HHAT: variants seen among roughly 807,000 people sequenced by gnomAD.
HHAT encodes hedgehog acyltransferase.
Under a neutral mutation model 70.8 loss-of-function variants are expected in HHAT, and 47 were observed. The ratio of observed to expected loss-of-function variants is 0.66; its 90% CI spans 0.53 to 0.85. HHAT has a LOEUF of 0.85. Ranked by LOEUF, HHAT falls within the 40% of genes least tolerant of loss-of-function variation. The pLI is 0.00. For synonymous variants in HHAT, 228 were observed against 247.6 expected (o/e 0.92, Z 0.74); for missense variants, 609 against 604.8 (o/e 1.01, Z -0.07).
chr1:210,537,218 T>G (rs1004463720), intron 9 of HHAT, among the ~76,000 whole-genome samples: 2 of 152,186 alleles, frequency 1.3e-5, no homozygotes, highest in African/African-American at 4.8e-5. Flanking sequence ...TCTCTTACTT[T>G]GGCACAGAAA....
chr1:210,424,727 C>T (rs1384438256), intron 7 of HHAT, among the ~76,000 whole-genome samples: 1 of 152,134 alleles, frequency 6.6e-6, no homozygotes, highest in African/African-American at 2.4e-5. Context: ...ATATGTACCA[C>T]ATTTTCTTTA....
Position 210,409,442 on chromosome 1 carries a change from A to G in HHAT, c.684+4763A>G, listed in dbSNP as rs536845116. On this transcript the variant is annotated intron_variant, in intron 6 of 11. Transcript: ENST00000261458. Reference sequence around the variant, plus strand: ...CAGGCCCCACTTGCTGTTCTGGGAGAGCTCACTGGATGTTGCTGGCCTTGG... The same window carrying G: ...CAGGCCCCACTTGCTGTTCTGGGAGGGCTCACTGGATGTTGCTGGCCTTGG... Among the ~76,000 whole-genome samples the G allele has an allele frequency of 1.3e-5, 2 of 152,186 alleles. 1 individual carries two copies. The highest frequency in any genetic ancestry group is 4.1e-4 in the South Asian group (2 of 4,828).
chr1:210,540,481 GCACA>G (rs1291380055), intron 9 of HHAT, among the ~76,000 whole-genome samples: 3 of 96,890 alleles, frequency 3.1e-5, no homozygotes, highest in Non-Finnish European at 8.5e-5. Flanking sequence ...GCACACACAT[GCACA>G]CACACGCACA....
chr1:210,419,408 A>G (rs1184519838), intron 7 of HHAT, among the ~76,000 whole-genome samples: 1 of 152,188 alleles, frequency 6.6e-6, no homozygotes, highest in Non-Finnish European at 1.5e-5. Flanking sequence ...CCTCTGGCCA[A>G]AACAGCAGAG....
intron 9 of HHAT, among the ~76,000 whole-genome samples, chr1:210,515,598 A>C (rs1413972601): frequency 9.9e-5 from 15 of 151,890 alleles, no homozygotes; most frequent in Non-Finnish European, 1.6e-4. Flanking sequence ...TCTACTAAAA[A>C]TACAAAAAAA....
chr1:210,597,092 A>G (rs1663178782), intron 10 of HHAT, among the ~76,000 whole-genome samples: 1 of 152,238 alleles, frequency 6.6e-6, no homozygotes, highest in African/African-American at 2.4e-5. Context: ...TCATAGAAGT[A>G]CTATCTTGGT....
At chr1:210,468,933 T>C (rs1386846239) in intron 8 of HHAT, among the ~76,000 whole-genome samples, 1 of 152,098 alleles carries the variant, frequency 6.6e-6, no homozygotes, top group Non-Finnish European at 1.5e-5. Context: ...GACAAATAAT[T>C]TAAATTCTCT....
At chr1:210,504,805 A>G (rs935303972) in intron 8 of HHAT, among the ~76,000 whole-genome samples, 1 of 152,186 alleles carries the variant, frequency 6.6e-6, no homozygotes, top group South Asian at 2.1e-4. Context: ...GGTATTTCAC[A>G]AAACGTGTTT....
chr1:210,447,120 C>T (rs1464578522), intron 7 of HHAT, among the ~76,000 whole-genome samples: 2 of 152,130 alleles, frequency 1.3e-5, no homozygotes, highest in South Asian at 2.1e-4. Flanking sequence ...TAGTCTTAAC[C>T]CCATATCCAC....
chr1:210,652,583 C>T (rs1000895332), intron 11 of HHAT, among the ~76,000 whole-genome samples: 3 of 152,162 alleles, frequency 2.0e-5, no homozygotes, highest in South Asian at 2.1e-4. Flanking sequence ...TGGAGGCTCC[C>T]GCAACTCAGT....
chr1:210,601,619 T>G (rs1380581165), intron 10 of HHAT, among the ~76,000 whole-genome samples: 1 of 152,148 alleles, frequency 6.6e-6, no homozygotes, highest in Non-Finnish European at 1.5e-5. Flanking sequence ...GAAGACACTT[T>G]GCACATTACT....
rs1433758560 is a variant in HHAT, at chr1:210,332,458, C to G, written c.-44+3354C>G. Among the ~76,000 whole-genome samples the G allele has an allele frequency of 3.9e-5, 6 of 152,372 alleles. 1 individual carries two copies. In the East Asian group the frequency reaches 1.2e-3, roughly 29 times the overall value. On this transcript the variant is annotated intron_variant, in intron 1 of 11. Coordinates refer to ENST00000261458, the MANE Select transcript of HHAT (RefSeq NM_018194.6). ...TTGCGTACCGCAGTGACTCATTAAT[C>G]CTCTCTACCAATTGTGCCTCAATAT...
At position 210,654,784 on chromosome 1, in the gene HHAT, T is replaced by C. The variant is rs114595912; in HGVS notation, c.1391-19504T>C. Among the ~76,000 whole-genome samples the C allele has an allele frequency of 4.1e-3, 623 of 152,294 alleles. 6 individuals carry two copies. Among genetic ancestry groups the C allele is most frequent in the African/African-American group, 0.014 (601 of 41,568 alleles). ...AGGAAGGAGGTGGGAGGCTCTGCAA[T>C]GGGAAGGGTTCCAACAGCCTAGGTC... On this transcript the variant is annotated intron_variant, in intron 11 of 11. Coordinates refer to ENST00000261458, the MANE Select transcript of HHAT (RefSeq NM_018194.6).
chr1:210,605,944 C>A (rs1202200933), intron 10 of HHAT, among the ~76,000 whole-genome samples: 2 of 151,738 alleles, frequency 1.3e-5, no homozygotes, highest in African/African-American at 4.8e-5. Context: ...GCAACCTCCA[C>A]CTCCCAGGTT....
At chr1:210,552,355 G>C (rs539598011) in intron 9 of HHAT, among the ~76,000 whole-genome samples, 51 of 152,294 alleles carry the variant, frequency 3.3e-4, no homozygotes, top group African/African-American at 1.2e-3. Flanking sequence ...TGTCCGATTT[G>C]TGTCCTTCTG....
rs1277207965 is a variant in HHAT at position 210,505,921 on chromosome 1, A to G, written c.1008-7232A>G. Among the ~76,000 whole-genome samples, 3 of 152,024 alleles carry G rather than the reference A, an allele frequency of 2.0e-5. No homozygotes were observed. The East Asian group carries it at 5.8e-4, about 29-fold the overall frequency. On this transcript the variant is annotated intron_variant, in intron 8 of 11. Coordinates refer to ENST00000261458, the MANE Select transcript of HHAT (RefSeq NM_018194.6). ...GTTGCTGTTTTTATCCCTAGCTTCC[A>G]CCCAGCCGAGATTAGTCTGGGAGGA...
intron 9 of HHAT, among the ~76,000 whole-genome samples, chr1:210,587,684 T>C (rs1309363196): frequency 6.6e-6 from 1 of 152,244 alleles, no homozygotes; most frequent in Non-Finnish European, 1.5e-5. Flanking sequence ...CTCTTGAGCC[T>C]GTGTGTTCAT....
chr1:210,370,875 A>G (rs970790761), intron 3 of HHAT, among the ~76,000 whole-genome samples: 1 of 152,120 alleles, frequency 6.6e-6, no homozygotes, highest in African/African-American at 2.4e-5. Flanking sequence ...TGGCCTCCCA[A>G]AGTGCTGGGA....
chr1:210,580,585 C>A (rs551753775), intron 9 of HHAT, among the ~76,000 whole-genome samples: 1 of 148,354 alleles, frequency 6.7e-6, no homozygotes, highest in Non-Finnish European at 1.5e-5. Flanking sequence ...TGAGAACATG[C>A]GGTGTTTGGT....
Sources: gnomAD v4.1 joint callset for allele counts (sites outside exome capture counted in the v4.1 genomes callset) on GRCh38, gnomAD v4.1.1 for gene constraint, MANE v1.5 for transcripts, NCBI Gene and HGNC (gene_info 2026-07-23, HGNC 2026-07-21) for gene names.